The following IMMP2L variants were observed in gnomAD, a reference collection of about 807,000 sequenced individuals.
IMMP2L encodes inner mitochondrial membrane peptidase subunit 2.
Under a neutral mutation model 19.3 loss-of-function variants are expected in IMMP2L, and 18 were observed. The observed-to-expected ratio is 0.93, with a 90% CI of 0.64 to 1.38. The LOEUF is 1.38. Among genes scored for constraint, IMMP2L ranks in the 40% most tolerant of loss-of-function variants. IMMP2L has a pLI of 0.00. For missense variants in IMMP2L, 233 were observed against 218.2 expected (o/e 1.07, Z -0.43); for synonymous variants, 76 against 73.0 (o/e 1.04, Z -0.21).
chr7:111,146,730 G>C (rs1435915052), intron 3 of IMMP2L, among the ~76,000 whole-genome samples: 2 of 151,992 alleles, frequency 1.3e-5, no homozygotes, highest in South Asian at 2.1e-4. Context: ...TAAGTTAATG[G>C]ATGAAAAAGG....
chr7:111,411,222 C>T (rs1834392481), intron 3 of IMMP2L: 1 of 167,198 alleles, frequency 6.0e-6, no homozygotes, highest in African/African-American at 2.4e-5. Context: ...AATGGAATGA[C>T]ATTCTTAGAG....
intron 3 of IMMP2L, among the ~76,000 whole-genome samples, chr7:111,118,879 T>A (rs544097115): frequency 6.6e-6 from 1 of 152,180 alleles, no homozygotes; most frequent in Admixed American, 6.5e-5. Context: ...ATAAACACTC[T>A]CATTTGCAAA....
intron 3 of IMMP2L, among the ~76,000 whole-genome samples, chr7:111,077,283 A>G (rs1280158424): frequency 6.6e-6 from 1 of 152,210 alleles, no homozygotes; most frequent in Non-Finnish European, 1.5e-5. Context: ...TACATGGTTA[A>G]GCAACAGATA....
At chr7:111,535,152 T>G (rs936163694) in intron 1 of IMMP2L, among the ~76,000 whole-genome samples, 2 of 152,102 alleles carry the variant, frequency 1.3e-5, no homozygotes, top group Non-Finnish European at 2.9e-5. Flanking sequence ...GCCCTAAAAT[T>G]TTATGGTTTA....
At chr7:111,441,642 T>G (rs773738886) in intron 3 of IMMP2L, among the ~76,000 whole-genome samples, 1 of 149,350 alleles carries the variant, frequency 6.7e-6, no homozygotes, top group Non-Finnish European at 1.5e-5. Context: ...CACAGAGACA[T>G]GAAGTGAGCA....
intron 5 of IMMP2L, among the ~76,000 whole-genome samples, chr7:110,822,196 TG>T (rs1392730705): frequency 3.9e-5 from 6 of 152,144 alleles, no homozygotes; most frequent in Non-Finnish European, 8.8e-5. Flanking sequence ...ATCAGAAATC[TG>T]GAAAACTCTT....
At chr7:110,980,230 T>C (rs1207674597) in intron 3 of IMMP2L, among the ~76,000 whole-genome samples, 9 of 137,712 alleles carry the variant, frequency 6.5e-5, no homozygotes, top group African/African-American at 8.1e-5. Context: ...GCTGCTTCTT[T>C]TTTTTTTTTT....
intron 2 of IMMP2L, among the ~76,000 whole-genome samples, chr7:111,513,548 T>C (rs1029277413): frequency 6.6e-6 from 1 of 152,088 alleles, no homozygotes; most frequent in Admixed American, 6.6e-5. Flanking sequence ...AATAGGGATA[T>C]ATCTCAAAGA....
At chr7:110,885,528 A>G (rs1174438842) in intron 5 of IMMP2L, among the ~76,000 whole-genome samples, 2 of 151,988 alleles carry the variant, frequency 1.3e-5, no homozygotes, top group African/African-American at 4.8e-5. Flanking sequence ...GACTTTCTGT[A>G]TACATTCAAC....
chr7:110,872,187 T>C (rs540367274), intron 5 of IMMP2L, among the ~76,000 whole-genome samples: 1 of 152,124 alleles, frequency 6.6e-6, no homozygotes, highest in Non-Finnish European at 1.5e-5. Context: ...AAACAGAATA[T>C]ATCGGATATC....
In IMMP2L at chr7:110,728,238, C is replaced by T. The variant is rs150769860; in HGVS notation, c.409-64517G>A. ...AGGCGACTGGGAGTGGTGGTTCACG[C>T]CTGTAATCCCAGCAGGTTGGGAAGC... On this transcript the variant is annotated intron_variant, in intron 5 of 5. Coordinates refer to ENST00000405709, the MANE Select transcript of IMMP2L (RefSeq NM_032549.4). This position sits in a 1 kb window ranked among gnomAD's most constrained non-coding sequence, Gnocchi z 4.6. Among the ~76,000 whole-genome samples the T allele has an allele frequency of 2.4e-3, 364 of 152,240 alleles. No homozygotes were observed. Among genetic ancestry groups the T allele is most frequent in the African/African-American group, 8.5e-3 (354 of 41,532 alleles).
At chr7:111,523,470 AT>A (rs1319200590) in intron 1 of IMMP2L, among the ~76,000 whole-genome samples, 1 of 152,102 alleles carries the variant, frequency 6.6e-6, no homozygotes, top group African/African-American at 2.4e-5. Flanking sequence ...AATCTTTAAC[AT>A]GTCACAGGAA....
chr7:110,943,855 G>A (rs1452593427), intron 4 of IMMP2L, among the ~76,000 whole-genome samples: 1 of 151,946 alleles, frequency 6.6e-6, no homozygotes, highest in Non-Finnish European at 1.5e-5. Context: ...TGCTGCTGGA[G>A]AGAGAAAAAT....
chr7:111,241,344 T>C (rs552083158), intron 3 of IMMP2L, among the ~76,000 whole-genome samples: 1 of 152,122 alleles, frequency 6.6e-6, no homozygotes, highest in African/African-American at 2.4e-5. Flanking sequence ...CTTCTATGTA[T>C]TGAACATAAA....
At chr7:111,526,538 C>G (rs1284025853) in intron 1 of IMMP2L, among the ~76,000 whole-genome samples, 2 of 152,096 alleles carry the variant, frequency 1.3e-5, no homozygotes, top group East Asian at 3.9e-4. Context: ...TACGGGGTAA[C>G]ACTAGTGTTA....
intron 5 of IMMP2L, among the ~76,000 whole-genome samples, chr7:110,751,131 C>A (rs1473294256): frequency 6.6e-6 from 1 of 151,436 alleles, no homozygotes; most frequent in Non-Finnish European, 1.5e-5. Flanking sequence ...AAAACAACAT[C>A]CAGAATCTTT....
At chr7:111,391,951 T>G in intron 3 of IMMP2L, 1 of 703,144 alleles carries the variant, frequency 1.4e-6, no homozygotes, top group South Asian at 1.5e-5. Flanking sequence ...TCTTCAATCT[T>G]AGGCTAACTC....
At chr7:110,694,886 TA>T (rs148495741) in intron 5 of IMMP2L, among the ~76,000 whole-genome samples, 5,752 of 151,974 alleles carry the variant, frequency 0.038, 136 homozygotes, top group Middle Eastern at 0.099. Context: ...TATTCATCTA[TA>T]AAAAAAATGA....
chr7:110,693,527 T>C (rs1793659336), intron 5 of IMMP2L, among the ~76,000 whole-genome samples: 2 of 152,214 alleles, frequency 1.3e-5, no homozygotes, highest in South Asian at 4.1e-4. Context: ...AGGACTTTGC[T>C]TTGTTAATTG....
Sources: allele counts gnomAD v4.1 joint callset (sites outside exome capture counted in the v4.1 genomes callset), GRCh38; gene constraint gnomAD v4.1.1; non-coding constraint Gnocchi (gnomAD v3.1); transcripts MANE v1.5; gene names NCBI Gene and HGNC (gene_info 2026-07-23, HGNC 2026-07-21).